Variants in MAF observed in about 807,000 individuals in gnomAD.
MAF encodes transcription factor Maf.
Under a neutral mutation model 22.0 loss-of-function variants are expected in MAF, and 10 were observed. The observed-to-expected ratio is 0.45, with a 90% confidence interval of 0.28 to 0.77. The LOEUF is 0.77. Among genes scored for constraint, MAF ranks in the 30% least tolerant of loss-of-function variants. The pLI is 0.12. For synonymous variants in MAF, 337 were observed against 255.8 expected, an observed-to-expected ratio of 1.32 and a Z score of -3.03; for missense variants, 544 against 548.4, an observed-to-expected ratio of 0.99 and a Z score of 0.08.
At chr16:79,501,439 G>A in the MAF span, among the ~76,000 whole-genome samples, 3 of 152,182 alleles carry the variant, frequency 2.0e-5, no homozygotes, top group Admixed American at 6.5e-5. Flanking sequence ...GGGGACACCA[G>A]TCAAGCCACC....
the MAF span, among the ~76,000 whole-genome samples, chr16:79,500,254 CAGAG>C: frequency 6.6e-6 from 1 of 152,190 alleles, no homozygotes; most frequent in Non-Finnish European, 1.5e-5. Context: ...GACACACACA[CAGAG>C]AGAGAGGGAG....
the MAF span, among the ~76,000 whole-genome samples, chr16:79,245,051 T>C: frequency 3.3e-5 from 5 of 152,060 alleles, no homozygotes; most frequent in African/African-American, 1.2e-4. Flanking sequence ...CCTTACACTC[T>C]ATACAAAAAT....
chr16:79,336,046 G>C, the MAF span, among the ~76,000 whole-genome samples: 1 of 152,186 alleles, frequency 6.6e-6, no homozygotes, highest in Non-Finnish European at 1.5e-5. Flanking sequence ...CAGGGCAGAA[G>C]CTAGGGCTAT....
the MAF span, among the ~76,000 whole-genome samples, chr16:79,562,727 G>C: frequency 6.6e-6 from 1 of 152,128 alleles, no homozygotes; most frequent in Non-Finnish European, 1.5e-5. Context: ...TCACCACAAA[G>C]CTGTTGTCCA....
chr16:79,210,948 A>C, the MAF span, among the ~76,000 whole-genome samples: 3 of 152,268 alleles, frequency 2.0e-5, no homozygotes, highest in Non-Finnish European at 2.9e-5. Flanking sequence ...ATCTGGGTCA[A>C]ATATGACATT....
At chr16:79,485,023 G>C in the MAF span, among the ~76,000 whole-genome samples, 1 of 152,174 alleles carries the variant, frequency 6.6e-6, no homozygotes, top group African/African-American at 2.4e-5. Context: ...TATAAAAATG[G>C]ACATCATGCT....
At chr16:79,296,255 G>C in the MAF span, among the ~76,000 whole-genome samples, 10,146 of 152,224 alleles carry the variant, frequency 0.067, 682 homozygotes, top group East Asian at 0.33. Flanking sequence ...AGAACATAGT[G>C]AAAGCTTAAA....
chr16:79,254,598 A>G, the MAF span, among the ~76,000 whole-genome samples: 1 of 152,158 alleles, frequency 6.6e-6, no homozygotes, highest in African/African-American at 2.4e-5. Flanking sequence ...AGGAAAAGGT[A>G]TTGTCAGAGC....
At chr16:79,443,131 G>T in the MAF span, among the ~76,000 whole-genome samples, 2 of 152,140 alleles carry the variant, frequency 1.3e-5, no homozygotes, top group African/African-American at 4.8e-5. Flanking sequence ...ATGCCAGGCA[G>T]TCAGGGCTAA....
At chr16:79,284,299 T>G in the MAF span, among the ~76,000 whole-genome samples, 1 of 152,190 alleles carries the variant, frequency 6.6e-6, no homozygotes, top group East Asian at 1.9e-4. Flanking sequence ...ATATGCATTC[T>G]TGCAGCAAGA....
chr16:79,346,112 T>G, the MAF span, among the ~76,000 whole-genome samples: 1 of 152,094 alleles, frequency 6.6e-6, no homozygotes, highest in African/African-American at 2.4e-5. Context: ...TGTGCCATGT[T>G]GGTGTGCTGC....
chr16:79,429,532 A>G, the MAF span, among the ~76,000 whole-genome samples: 1 of 152,176 alleles, frequency 6.6e-6, no homozygotes, highest in Admixed American at 6.5e-5. Flanking sequence ...AGGAAGCAGC[A>G]GAGAGAGGGA....
the MAF span, among the ~76,000 whole-genome samples, chr16:79,482,051 T>C: frequency 6.6e-6 from 1 of 151,982 alleles, no homozygotes. Flanking sequence ...CTGCAGGGGT[T>C]CGGGGGCAGG....
At chr16:79,535,327 C>T in the MAF span, among the ~76,000 whole-genome samples, 4 of 151,440 alleles carry the variant, frequency 2.6e-5, no homozygotes, top group Admixed American at 2.6e-4. Context: ...CCTTATTTTC[C>T]AGAGCAGGGG....
At chr16:79,479,346 G>A in the MAF span, among the ~76,000 whole-genome samples, 10 of 152,252 alleles carry the variant, frequency 6.6e-5, no homozygotes, top group East Asian at 5.8e-4. Context: ...CCATGTAGGC[G>A]CCATAAAATC....
At chr16:79,445,329 C>G in the MAF span, among the ~76,000 whole-genome samples, 1 of 152,160 alleles carries the variant, frequency 6.6e-6, no homozygotes. Flanking sequence ...AGGCGTGAGC[C>G]ACTGCGCCCG....
chr16:79,383,052 A>C, the MAF span, among the ~76,000 whole-genome samples: 2 of 152,250 alleles, frequency 1.3e-5, no homozygotes, highest in African/African-American at 4.8e-5. Context: ...AAATAGGGGC[A>C]AAAGAATAGA....
At chr16:79,508,410 T>C in the MAF span, among the ~76,000 whole-genome samples, 1 of 152,164 alleles carries the variant, frequency 6.6e-6, no homozygotes, top group African/African-American at 2.4e-5. Flanking sequence ...CATGGGCCTC[T>C]CTCCTCCTGG....
At position 79,593,886 on chromosome 16, in the gene MAF, C is replaced by G. The variant is rs1230796824; in HGVS notation, c.*574G>C. The G allele has an allele frequency of 4.7e-5, 9 of 189,966 alleles. No homozygotes were observed. In the East Asian group the frequency reaches 7.5e-4, roughly 16 times the overall value. The allele number at this position is 189,966 out of a possible 1,614,324, so 11.8% of individuals were successfully genotyped here. A position where few individuals can be genotyped will look rare whatever the true frequency, so the allele number is the denominator to read the frequency against. On this transcript the variant is annotated 3_prime_UTR_variant, in exon 2 of 2. Transcript: ENST00000326043. ...TGCCACACATTGTTTTCATTTACAG[C>G]TATGTCTGACAAATGAGCACGTTTG...
Sources: gnomAD v4.1 joint callset for allele counts (sites outside exome capture counted in the v4.1 genomes callset) on GRCh38, gnomAD v4.1.1 for gene constraint, MANE v1.5 for transcripts, NCBI Gene and HGNC (gene_info 2026-07-23, HGNC 2026-07-21) for gene names.